Variants in EYA1 observed in about 807,000 individuals in gnomAD.
EYA1 encodes the protein EYA transcriptional coactivator and phosphatase 1, also known as protein phosphatase EYA1.
Under a neutral mutation model 82.0 loss-of-function variants are expected in EYA1, and 16 were observed. The observed-to-expected ratio is 0.20, with a 90% confidence interval of 0.13 to 0.30. The LOEUF is 0.30. Ranked by LOEUF, EYA1 falls within the 10% of genes least tolerant of loss-of-function variation. The pLI is 1.00. For missense variants in EYA1, 633 were observed against 730.7 expected, an observed-to-expected ratio of 0.87 and a Z score of 1.54; for synonymous variants, 261 against 264.4, an observed-to-expected ratio of 0.99 and a Z score of 0.12.
chr8:71,339,427 T>C (rs901814344), intron 3 of EYA1, among the ~76,000 whole-genome samples: 4 of 152,182 alleles, frequency 2.6e-5, no homozygotes, highest in African/African-American at 4.8e-5. Flanking sequence ...TCTGTCTTTA[T>C]TCTTTTGAGT....
At chr8:71,424,992 G>A (rs1290729926) in intron 2 of EYA1, among the ~76,000 whole-genome samples, 1 of 151,422 alleles carries the variant, frequency 6.6e-6, no homozygotes, top group Non-Finnish European at 1.5e-5. Flanking sequence ...CGGGCGCGGT[G>A]GCTCACGCCT....
intron 9 of EYA1, among the ~76,000 whole-genome samples, chr8:71,291,205 C>T (rs1051974760): frequency 1.3e-5 from 2 of 152,124 alleles, no homozygotes; most frequent in East Asian, 1.9e-4. Context: ...GGAAGATAGC[C>T]GGGAGTTTAG....
rs184838910 is a variant in EYA1, at chr8:71,509,083, G to A, written c.33+26661C>T. On this transcript the variant is annotated intron_variant, in intron 2 of 18. Transcript: ENST00000643681. ...CAAAAAATACAAAAATTAGCCAGGG[G>A]TGGTGGTGCCTGCTGTGGTCCCAGT... 2.4e-4 allele frequency among the ~76,000 whole-genome samples: 36 copies of A among 152,046 alleles called. No individual in the cohort carries two copies. In the East Asian group the frequency reaches 5.8e-3, roughly 25 times the overall value.
intron 17 of EYA1, chr8:71,199,928 T>A (rs1288828874): frequency 6.3e-6 from 1 of 159,372 alleles, no homozygotes; most frequent in Non-Finnish European, 1.4e-5. Flanking sequence ...GGCTTTACCA[T>A]ATGGAAAACG....
chr8:71,385,844 A>C (rs570128518), intron 2 of EYA1, among the ~76,000 whole-genome samples: 1 of 152,272 alleles, frequency 6.6e-6, no homozygotes, highest in South Asian at 2.1e-4. Context: ...TTAGCATTTT[A>C]CTTCTGATTG....
intron 1 of EYA1, among the ~76,000 whole-genome samples, chr8:71,543,911 C>A (rs1448877725): frequency 6.6e-6 from 1 of 152,140 alleles, no homozygotes. Flanking sequence ...CATCTCCAAC[C>A]TGTGACAACC....
At chr8:71,221,014 A>G (rs1809837733) in intron 12 of EYA1, among the ~76,000 whole-genome samples, 1 of 152,240 alleles carries the variant, frequency 6.6e-6, no homozygotes, top group Non-Finnish European at 1.5e-5. Flanking sequence ...GTGATAATTA[A>G]AATCATGGTA....
chr8:71,319,288 G>C (rs562808309), intron 6 of EYA1, among the ~76,000 whole-genome samples: 7 of 151,984 alleles, frequency 4.6e-5, no homozygotes, highest in Admixed American at 2.6e-4. Context: ...CCGCCACCAC[G>C]CCTGGCTAAT....
intron 11 of EYA1, among the ~76,000 whole-genome samples, chr8:71,250,833 G>A (rs1360455022): frequency 6.6e-6 from 1 of 152,080 alleles, no homozygotes; most frequent in East Asian, 1.9e-4. Context: ...AGGAATAAAT[G>A]AATGAAAAGC....
intron 2 of EYA1, among the ~76,000 whole-genome samples, chr8:71,439,800 G>A (rs1046676537): frequency 1.3e-5 from 2 of 152,158 alleles, no homozygotes; most frequent in African/African-American, 2.4e-5. Flanking sequence ...TTAATCAGCA[G>A]TCAGACTCTC....
chr8:71,422,081 A>G (rs1831177200), intron 2 of EYA1, among the ~76,000 whole-genome samples: 1 of 152,200 alleles, frequency 6.6e-6, no homozygotes, highest in African/African-American at 2.4e-5. Context: ...ATTTGGTTTC[A>G]CTTAACGTAA....
intron 2 of EYA1, among the ~76,000 whole-genome samples, chr8:71,391,197 G>T (rs777204680): frequency 1.3e-5 from 2 of 152,090 alleles, no homozygotes; most frequent in Middle Eastern, 3.2e-3. Flanking sequence ...TGGCCAGGCT[G>T]GTTTTGAACT....
intron 2 of EYA1, among the ~76,000 whole-genome samples, chr8:71,497,008 A>C (rs534430864): frequency 1.3e-5 from 2 of 152,334 alleles, no homozygotes; most frequent in East Asian, 1.9e-4. Flanking sequence ...ATGAGATTAC[A>C]TACATCAAAC....
At chr8:71,459,332 A>G (rs1048129179) in intron 2 of EYA1, among the ~76,000 whole-genome samples, 1 of 152,116 alleles carries the variant, frequency 6.6e-6, no homozygotes, top group African/African-American at 2.4e-5. Context: ...CCTGTACCTA[A>G]CTGAATTCTT....
intron 2 of EYA1, among the ~76,000 whole-genome samples, chr8:71,375,746 A>G (rs1029314262): frequency 3.3e-5 from 5 of 152,034 alleles, no homozygotes; most frequent in Admixed American, 6.6e-5. Flanking sequence ...CTCCTGGCTC[A>G]GCCTCCCAAG....
intron 2 of EYA1, among the ~76,000 whole-genome samples, chr8:71,375,563 G>A (rs1484367583): frequency 6.6e-6 from 1 of 152,162 alleles, no homozygotes; most frequent in Non-Finnish European, 1.5e-5. Context: ...GCTGAAAAGT[G>A]AGGAGCGTTT....
intron 2 of EYA1, among the ~76,000 whole-genome samples, chr8:71,431,741 AG>A (rs1414754129): frequency 6.6e-6 from 1 of 152,196 alleles, no homozygotes; most frequent in African/African-American, 2.4e-5. Flanking sequence ...GAGACTCCAC[AG>A]GGCATCCTCT....
intron 2 of EYA1, among the ~76,000 whole-genome samples, chr8:71,431,243 T>G (rs1181243557): frequency 6.6e-6 from 1 of 152,032 alleles, no homozygotes; most frequent in Non-Finnish European, 1.5e-5. Context: ...GGGAGAAGAG[T>G]AATCTCTCTG....
Position 71,290,039 on chromosome 8 carries a change from T to G in EYA1, c.826+9008A>C, listed in dbSNP as rs142216308. Among the ~76,000 whole-genome samples, 374 of 152,312 alleles carry G rather than the reference T, an allele frequency of 2.5e-3. 1 individual carries two copies. The highest frequency in any genetic ancestry group is 8.5e-3 in the African/African-American group (355 of 41,566). On this transcript the variant is annotated intron_variant, in intron 9 of 17. Coordinates refer to ENST00000340726, the MANE Select transcript of EYA1 (RefSeq NM_000503.6). The stretch of plus-strand genomic sequence containing the variant: ...AGTATAGAACATGGAGGGAGGTTTA[T>G]TCTTGTCTGTAAACACATCTATGCC...
Sources: gnomAD v4.1 joint callset for allele counts (sites outside exome capture counted in the v4.1 genomes callset) on GRCh38, gnomAD v4.1.1 for gene constraint, MANE v1.5 for transcripts, NCBI Gene and HGNC (gene_info 2026-07-23, HGNC 2026-07-21) for gene names.